SLC39A6: variants seen among roughly 807,000 people sequenced by gnomAD.
SLC39A6 encodes the protein solute carrier family 39 member 6.
In SLC39A6, 51 loss-of-function variants were observed where a neutral mutation model predicts 63.5. The observed-to-expected ratio is 0.80, with a 90% CI of 0.64 to 1.01. The LOEUF is 1.01. Ranked by LOEUF, SLC39A6 falls within the 50% of genes least tolerant of loss-of-function variation. SLC39A6 has a pLI of 0.00. For missense variants in SLC39A6, 805 were observed against 927.8 expected, an observed-to-expected ratio of 0.87 and a Z score of 1.72; for synonymous variants, 318 against 324.7, an observed-to-expected ratio of 0.98 and a Z score of 0.22.
chr18:36,112,831 G>C (rs2144498453), intron 7 of SLC39A6, among the ~76,000 whole-genome samples: 1 of 152,260 alleles, frequency 6.6e-6, no homozygotes, highest in South Asian at 2.1e-4. Context: ...AGCGGATAAA[G>C]TTATACAAAT....
At chr18:36,115,437 G>A (rs1789509) in intron 6 of SLC39A6, among the ~76,000 whole-genome samples, 45,416 of 141,870 alleles carry the variant, frequency 0.32, 7,434 homozygotes, top group Middle Eastern at 0.47. Context: ...GTGAGACTCC[G>A]TCTCAAAAAA....
At chr18:36,124,741 C>T (rs2089422130) in intron 2 of SLC39A6, 41 bp from the exon 3 acceptor site, 7 of 1,437,342 alleles carry the variant, frequency 4.9e-6, no homozygotes, top group Non-Finnish European at 6.6e-6. Context: ...AAAGCCATCC[C>T]CATTAGAGTA....
chr18:36,110,092 T>C (rs1392230054), intron 9 of SLC39A6, among the ~76,000 whole-genome samples: 2 of 152,210 alleles, frequency 1.3e-5, no homozygotes, highest in Non-Finnish European at 2.9e-5. Context: ...AGTTCAGAGA[T>C]AGAAAACCTT....
intron 8 of SLC39A6, among the ~76,000 whole-genome samples, chr18:36,111,688 T>C (rs1286926501): frequency 2.0e-5 from 3 of 152,218 alleles, no homozygotes; most frequent in Non-Finnish European, 2.9e-5. Context: ...TTTCACCATG[T>C]TGACCAGGGT....
At chr18:36,113,068 A>G (rs1036486540) in intron 7 of SLC39A6, among the ~76,000 whole-genome samples, 4 of 151,834 alleles carry the variant, frequency 2.6e-5, no homozygotes, top group African/African-American at 9.7e-5. Context: ...TTATACAATC[A>G]ATCAATTATA....
intron 5 of SLC39A6, among the ~76,000 whole-genome samples, chr18:36,120,464 TC>T (rs2089383932): frequency 6.6e-6 from 1 of 152,172 alleles, no homozygotes; most frequent in Non-Finnish European, 1.5e-5. Context: ...GAACGTAAAA[TC>T]CCTAAGAGCA....
rs777084861 is a variant in SLC39A6 at position 36,126,317 on chromosome 18, G to A, written c.691C>T (p.Arg231Trp). The A allele has an allele frequency of 2.7e-5, 44 of 1,614,084 alleles. No homozygotes were observed. In the South Asian group the frequency reaches 3.2e-4, roughly 12 times the overall value. ...STPPSVTSKSRVSRLAGRKTN... is the reference protein window; with the variant it reads ...STPPSVTSKSWVSRLAGRKTN... ...TTCCTACCAGCCAGCCGGCTCACCC[G>A]GCTCTTTGATGTGACACTGGGTGGA... Residue 231 changes from arginine (R) to tryptophan (W), a missense_variant, in exon 2 of 10, where the codon CGG becomes TGG. This residue lies in a region of SLC39A6 where 639 missense variants were observed against 644.0 expected (regional missense o/e 0.99). Coordinates refer to ENST00000269187, the MANE Select transcript of SLC39A6 (RefSeq NM_012319.4).
At chr18:36,121,993 G>A in intron 5 of SLC39A6, 59 bp downstream of exon 5, 1 of 1,236,008 alleles carries the variant, frequency 8.1e-7, no homozygotes, top group Non-Finnish European at 1.2e-6. Flanking sequence ...AATCTAGTTA[G>A]AGTACTACTA....
chr18:36,120,489 T>A (rs901663560), intron 5 of SLC39A6, among the ~76,000 whole-genome samples: 1 of 152,252 alleles, frequency 6.6e-6, no homozygotes, highest in Non-Finnish European at 1.5e-5. Context: ...ACTCCTAGTA[T>A]GTAAACACTC....
Position 36,114,306 on chromosome 18 carries a change from T to C in SLC39A6, c.1634A>G (p.His545Arg). Residue 545 changes from histidine (H) to arginine (R), a missense_variant, in exon 7 of 10, where the codon CAC (histidine) becomes CGC (arginine). By Grantham distance (29) the His-to-Arg change is conservative. Around this residue, in one of 4 missense-constraint regions of SLC39A6, gnomAD observed 19 missense variants for 35.1 expected, o/e 0.54. Transcript: ENST00000269187. ...ATCGTCTGACTGGCCGAGTGTATCG[T>C]GGAAATGTGAATGGCATTTATTCTT... The part of the protein sequence containing the change: ...GCKNKCHSHF[H>R]DTLGQSDDLI... 1 of 1,614,202 alleles carries C rather than the reference T, an allele frequency of 6.2e-7. No homozygotes were observed. The highest frequency in any genetic ancestry group is 8.5e-7 in the Non-Finnish European group (1 of 1,180,030).
chr18:36,109,429 A>C lies in SLC39A6; in HGVS notation c.*164T>G. ...TCCAAGATAGAATAACTTAAATATT[A>C]AAACGTACCTTTAACTGACTTTGTA... is the stretch of plus-strand genomic sequence containing the variant. On this transcript the variant is annotated 3_prime_UTR_variant, in exon 10 of 10. Coordinates refer to ENST00000269187, the MANE Select transcript of SLC39A6 (RefSeq NM_012319.4). The C allele has an allele frequency of 2.0e-6, 1 of 501,262 alleles. No homozygotes were observed. Among genetic ancestry groups the C allele is most frequent in the South Asian group, 3.8e-5 (1 of 25,986 alleles). The allele number at this position is 501,262 out of a possible 1,614,324, so 31.1% of individuals were successfully genotyped here.
At chr18:36,128,528 G>A (rs2089471501) in intron 1 of SLC39A6, among the ~76,000 whole-genome samples, 1 of 152,228 alleles carries the variant, frequency 6.6e-6, no homozygotes, top group African/African-American at 2.4e-5. Flanking sequence ...TCCTGAAAGA[G>A]GAATCTTTGG....
intron 5 of SLC39A6, among the ~76,000 whole-genome samples, chr18:36,121,439 G>T (rs573303730): frequency 3.3e-5 from 5 of 152,300 alleles, no homozygotes; most frequent in African/African-American, 4.8e-5. Flanking sequence ...TTACAGGCAT[G>T]AACCACCCCA....
rs759923515 is a variant in SLC39A6 at position 36,111,077 on chromosome 18, A to G, written c.2097T>C (p.Tyr699=). ...IFALTAGLFM[Y]VALVDMVPEM... is the part of the protein sequence containing the mutation. Reference sequence around the variant, plus strand: ...AACTTACCATATCAACCAGAGCAACATACATGAATAAGCCAGCAGTAAGTG... The same window carrying G: ...AACTTACCATATCAACCAGAGCAACGTACATGAATAAGCCAGCAGTAAGTG... Residue 699 remains tyrosine (Y), a synonymous_variant, in exon 9 of 10, where the codon TAT becomes TAC. Coordinates refer to ENST00000269187, the MANE Select transcript of SLC39A6 (RefSeq NM_012319.4). The G allele has an allele frequency of 6.2e-7, 1 of 1,613,934 alleles. No individual in the cohort carries two copies. The highest frequency in any genetic ancestry group is 8.5e-7 in the Non-Finnish European group (1 of 1,179,744).
At chr18:36,117,769 C>T (rs1372200938) in intron 5 of SLC39A6, among the ~76,000 whole-genome samples, 3 of 152,142 alleles carry the variant, frequency 2.0e-5, no homozygotes, top group Admixed American at 6.5e-5. Flanking sequence ...TGGTGGCGAA[C>T]GCCTGTAATC....
Position 36,112,500 on chromosome 18 carries a change from C to T in SLC39A6, c.1924+1G>A. On this transcript the variant is annotated splice_donor_variant, in intron 8 of 9. Transcript: ENST00000269187. LOFTEE classifies it high-confidence loss of function. ...AAATACAATTTATGTGGTTCTCTTACCTAATTCATGAGGCAACTCATGACA... is the reference window on the plus strand; with the variant it reads ...AAATACAATTTATGTGGTTCTCTTATCTAATTCATGAGGCAACTCATGACA... 1 of 1,609,560 alleles carries T rather than the reference C, an allele frequency of 6.2e-7. No homozygotes were observed. Among genetic ancestry groups the T allele is most frequent in the South Asian group, 1.1e-5 (1 of 90,682 alleles).
intron 6 of SLC39A6, among the ~76,000 whole-genome samples, chr18:36,114,774 T>C (rs2089330109): frequency 6.6e-6 from 1 of 152,218 alleles, no homozygotes; most frequent in Non-Finnish European, 1.5e-5. Context: ...ATGACTTTTT[T>C]CCTCATCCTA....
chr18:36,109,746 C>A lies in SLC39A6; in HGVS notation c.2116-1G>T. The A allele has an allele frequency of 6.3e-7, 1 of 1,585,508 alleles. No individual in the cohort carries two copies. The highest frequency in any genetic ancestry group is 8.5e-7 in the Non-Finnish European group (1 of 1,171,662). ...CATCATTGTGCAGCATTTCAGGTAC[C>A]TTTAAAAAAAAGTAAGGGAAAATAA... is the stretch of plus-strand genomic sequence containing the variant. On this transcript the variant is annotated splice_acceptor_variant, in intron 9 of 9. Coordinates refer to ENST00000269187, the MANE Select transcript of SLC39A6 (RefSeq NM_012319.4). LOFTEE classifies it high-confidence loss of function.
chr18:36,123,655 C>A lies in SLC39A6; in HGVS notation c.980G>T (p.Gly327Val). 3.1e-6 allele frequency: 5 copies of A among 1,600,416 alleles called. No individual in the cohort carries two copies. Among genetic ancestry groups the A allele is most frequent in the Non-Finnish European group, 4.2e-6 (5 of 1,176,482 alleles). ...KTYSLQIAWVGGFIAISIISF... is the reference protein window; with the variant it reads ...KTYSLQIAWVVGFIAISIISF... Reference sequence around the variant, plus strand: ...GATGATGGAAATGGCTATAAAACCACCAACCCAGGCTGTCAAACAAAACAA... The same window carrying A: ...GATGATGGAAATGGCTATAAAACCAACAACCCAGGCTGTCAAACAAAACAA... Residue 327 changes from glycine (G) to valine (V), a missense_variant, in exon 4 of 10, where the codon GGT becomes GTT. Physicochemically the swap from Gly to Val is moderately radical, Grantham distance 109. Around this residue, in one of 4 missense-constraint regions of SLC39A6, gnomAD observed 639 missense variants for 644.0 expected, o/e 0.99. Transcript: ENST00000269187.
Sources: allele counts gnomAD v4.1 joint callset (sites outside exome capture counted in the v4.1 genomes callset), GRCh38; gene constraint gnomAD v4.1.1; regional missense constraint gnomAD v4.1.1; transcripts MANE v1.5; gene names NCBI Gene and HGNC (gene_info 2026-07-23, HGNC 2026-07-21).